The following PDK1 variants were observed in gnomAD, a reference collection of about 807,000 sequenced individuals.
PDK1 encodes pyruvate dehydrogenase kinase 1.
A neutral mutation model predicts 54.2 loss-of-function variants in PDK1; 39 were observed. That is an observed-to-expected ratio of 0.72 (90% CI 0.56 to 0.94). The LOEUF (loss-of-function observed/expected upper bound fraction) is 0.94. Among genes scored for constraint, PDK1 ranks in the 40% least tolerant of loss-of-function variants. The pLI is 0.00. For synonymous variants in PDK1, 221 were observed against 207.1 expected (o/e 1.07, Z -0.58); for missense variants, 552 against 566.0 (o/e 0.98, Z 0.25).
chr2:172,609,922 A>G (rs143896098), downstream of PDK1, among the ~76,000 whole-genome samples: 6 of 152,186 alleles, frequency 3.9e-5, 1 homozygote, highest in East Asian at 1.2e-3. Context: ...CCTAGGTTCA[A>G]ATGATTCTCG....
intron 2 of PDK1, among the ~76,000 whole-genome samples, chr2:172,561,604 C>T (rs144218296): frequency 6.6e-6 from 1 of 152,302 alleles, no homozygotes; most frequent in East Asian, 1.9e-4. Flanking sequence ...AATCATTTGG[C>T]CTTCTCTATT....
chr2:172,612,690 G>A (rs1358002874), downstream of PDK1, among the ~76,000 whole-genome samples: 1 of 151,872 alleles, frequency 6.6e-6, no homozygotes, highest in African/African-American at 2.4e-5. Context: ...TTTTGAGACG[G>A]AGTTTCACTG....
Position 172,596,183 on chromosome 2 carries a change from A to C in PDK1, c.*214A>C, listed in dbSNP as rs1314111645. The stretch of plus-strand genomic sequence containing the variant: ...ACACTTATATTTTCACAGTTAATTG[A>C]ACATATTTTTAAACAACTGTAGTTT... On this transcript the variant is annotated 3_prime_UTR_variant, in exon 11 of 11. Coordinates refer to ENST00000282077, the MANE Select transcript of PDK1 (RefSeq NM_002610.5). 1 of 390,684 alleles carries C rather than the reference A, an allele frequency of 2.6e-6. No individual in the cohort carries two copies. The highest frequency in any genetic ancestry group is 4.6e-6 in the Non-Finnish European group (1 of 218,550). 24.2% of individuals were successfully genotyped at this position (390,684 alleles called of 1,614,324 possible).
At chr2:172,556,392 G>A (rs2149170705) in intron 1 of PDK1, 46 bp downstream of exon 1, 2 of 1,316,716 alleles carry the variant, frequency 1.5e-6, no homozygotes, top group Non-Finnish European at 2.0e-6. Flanking sequence ...GGTCCCGGGC[G>A]GGGAGCTGCG....
At chr2:172,611,485 T>TA (rs202208382), downstream of PDK1, among the ~76,000 whole-genome samples, 9 of 151,566 alleles carry the variant, frequency 5.9e-5, 1 homozygote, top group South Asian at 4.2e-4. Context: ...ATTAAGTATG[T>TA]AAAAAAAAAT....
the PDK1 span, among the ~76,000 whole-genome samples, chr2:172,712,813 A>T: frequency 6.6e-6 from 1 of 152,184 alleles, no homozygotes; most frequent in Non-Finnish European, 1.5e-5. Context: ...TTTGTGTTAC[A>T]GCTCTTTCAG....
chr2:172,664,093 T>A, the PDK1 span, among the ~76,000 whole-genome samples: 1 of 150,586 alleles, frequency 6.6e-6, no homozygotes, highest in Non-Finnish European at 1.5e-5. Flanking sequence ...GGGCAGATAA[T>A]CTGAGGTAGG....
At chr2:172,566,181 C>T (rs1287795566) in intron 5 of PDK1, among the ~76,000 whole-genome samples, 1 of 152,054 alleles carries the variant, frequency 6.6e-6, no homozygotes, top group Non-Finnish European at 1.5e-5. Flanking sequence ...GTCTTTTTAG[C>T]ATATAGACTT....
At chr2:172,674,620 AG>A in the PDK1 span, 2 of 152,326 alleles carry the variant, frequency 1.3e-5, no homozygotes, top group African/African-American at 4.8e-5. Flanking sequence ...CTGTGGATGC[AG>A]GTTCCTTTCC....
the PDK1 span, among the ~76,000 whole-genome samples, chr2:172,631,720 G>A: frequency 6.6e-6 from 1 of 152,034 alleles, no homozygotes; most frequent in African/African-American, 2.4e-5. Flanking sequence ...ATATCCTAAG[G>A]ATATAAGGAC....
At chr2:172,627,591 G>A in the PDK1 span, among the ~76,000 whole-genome samples, 2 of 152,136 alleles carry the variant, frequency 1.3e-5, no homozygotes, top group Non-Finnish European at 2.9e-5. Flanking sequence ...TCAGATGTGA[G>A]ATGGAGTAAG....
At chr2:172,617,167 G>A in the PDK1 span, among the ~76,000 whole-genome samples, 1 of 151,956 alleles carries the variant, frequency 6.6e-6, no homozygotes, top group East Asian at 1.9e-4. Context: ...TGGCCAGGCT[G>A]GTTTCAAACT....
At chr2:172,580,783 G>A (rs1689860376) in intron 8 of PDK1, among the ~76,000 whole-genome samples, 1 of 152,182 alleles carries the variant, frequency 6.6e-6, no homozygotes, top group Non-Finnish European at 1.5e-5. Context: ...CAAAAGGAAT[G>A]AAATACTGAT....
chr2:172,630,419 T>C, the PDK1 span, among the ~76,000 whole-genome samples: 1 of 152,192 alleles, frequency 6.6e-6, no homozygotes, highest in South Asian at 2.1e-4. Context: ...GTTGTTCAGT[T>C]GCACTATCCC....
the PDK1 span, among the ~76,000 whole-genome samples, chr2:172,648,779 T>C: frequency 6.6e-6 from 1 of 152,250 alleles, no homozygotes; most frequent in African/African-American, 2.4e-5. Flanking sequence ...ACAGCGAGGC[T>C]GGGGGAGGGG....
the PDK1 span, among the ~76,000 whole-genome samples, chr2:172,704,314 G>A: frequency 6.6e-6 from 1 of 152,076 alleles, no homozygotes; most frequent in Non-Finnish European, 1.5e-5. Context: ...AGTGAAAGAA[G>A]GGCAGCTGAC....
At chr2:172,560,851 C>G (rs1184799375) in intron 2 of PDK1, among the ~76,000 whole-genome samples, 1 of 152,156 alleles carries the variant, frequency 6.6e-6, no homozygotes, top group Admixed American at 6.5e-5. Context: ...TTCTTTTAAG[C>G]ACTGTATGCT....
chr2:172,622,290 ATG>A, the PDK1 span, among the ~76,000 whole-genome samples: 1 of 144,800 alleles, frequency 6.9e-6, no homozygotes, highest in Admixed American at 6.8e-5. Flanking sequence ...CTCATATATT[ATG>A]TGAGATATGT....
rs1467668152 is a variant in PDK1, at chr2:172,607,309, G to A, written c.*11340G>A. On this transcript the variant is annotated 3_prime_UTR_variant, in exon 11 of 11. Coordinates refer to ENST00000282077, the MANE Select transcript of PDK1 (RefSeq NM_002610.5). ...GCTTCTAAAACAAAAATTTGAAATA[G>A]TAAGTGCTTTGATTTTTTTTAATAT... 6.6e-6 allele frequency: 1 copy of A among 152,176 alleles called. No homozygotes were observed. Among genetic ancestry groups the A allele is most frequent in the Non-Finnish European group, 1.5e-5 (1 of 68,028 alleles). 9.4% of individuals were successfully genotyped at this position (152,176 alleles called of 1,614,324 possible). A position where few individuals can be genotyped will look rare whatever the true frequency, so the allele number is the denominator to read the frequency against.
Sources: gnomAD v4.1 joint callset for allele counts (sites outside exome capture counted in the v4.1 genomes callset) on GRCh38, gnomAD v4.1.1 for gene constraint, MANE v1.5 for transcripts, NCBI Gene and HGNC (gene_info 2026-07-23, HGNC 2026-07-21) for gene names.